Variants in CRHR2 observed in about 807,000 individuals in gnomAD.
CRHR2 encodes corticotropin-releasing hormone receptor 2.
Under a neutral mutation model 57.9 loss-of-function variants are expected in CRHR2, and 53 were observed. The observed-to-expected ratio is 0.92, with a 90% CI of 0.73 to 1.15. The LOEUF is 1.15. CRHR2 is among the 50% of genes most tolerant of loss of function. The pLI is 0.00. For missense variants in CRHR2, 532 were observed against 542.6 expected, an observed-to-expected ratio of 0.98 and a Z score of 0.19; for synonymous variants, 213 against 220.9, an observed-to-expected ratio of 0.96 and a Z score of 0.32.
chr7:30,678,311 T>C (rs1562804751), intron 2 of CRHR2, among the ~76,000 whole-genome samples: 1 of 152,184 alleles, frequency 6.6e-6, no homozygotes, highest in African/African-American at 2.4e-5. Flanking sequence ...ATGTGTAAAA[T>C]GAGGATAATG....
intron 1 of CRHR2, among the ~76,000 whole-genome samples, chr7:30,692,162 C>T (rs575176560): frequency 2.0e-5 from 3 of 152,320 alleles, no homozygotes; most frequent in South Asian, 2.1e-4. Flanking sequence ...GAGCCTGGCA[C>T]GTAGAATGCG....
At chr7:30,696,998 T>C (rs1011251559) in intron 1 of CRHR2, among the ~76,000 whole-genome samples, 2 of 152,036 alleles carry the variant, frequency 1.3e-5, no homozygotes, top group African/African-American at 2.4e-5. Context: ...CTAAATTAGC[T>C]AGTGAGGCTA....
At chr7:30,654,604 C>G (rs998871449) in intron 11 of CRHR2, 6 of 1,382,934 alleles carry the variant, frequency 4.3e-6, no homozygotes, top group Middle Eastern at 1.8e-4. Flanking sequence ...GGCCGCCTGA[C>G]TCCCCAGAGC....
upstream of CRHR2, chr7:30,686,419 C>T (rs1784858937): frequency 6.5e-7 from 1 of 1,534,050 alleles, no homozygotes; most frequent in Non-Finnish European, 8.7e-7. Context: ...AAGCCCAGGT[C>T]CCTGTCTTCA....
chr7:30,670,368 G>A (rs574177408), intron 2 of CRHR2, among the ~76,000 whole-genome samples: 1 of 152,344 alleles, frequency 6.6e-6, no homozygotes, highest in East Asian at 1.9e-4. Flanking sequence ...CTGGACTTGA[G>A]CTCCTTGGGG....
intron 2 of CRHR2, among the ~76,000 whole-genome samples, chr7:30,675,848 C>T (rs1193879421): frequency 6.6e-6 from 1 of 152,210 alleles, no homozygotes; most frequent in South Asian, 2.1e-4. Context: ...AAGGCAGGCT[C>T]AGGTCTTATG....
intron 1 of CRHR2, among the ~76,000 whole-genome samples, chr7:30,692,477 G>A (rs946459386): frequency 5.3e-5 from 8 of 152,174 alleles, no homozygotes; most frequent in African/African-American, 1.4e-4. Context: ...AAGGCCGTTC[G>A]GCGAACTGGA....
chr7:30,689,165 G>T (rs1434332391), intron 2 of CRHR2: 1 of 1,541,354 alleles, frequency 6.5e-7, no homozygotes, highest in East Asian at 2.4e-5. Flanking sequence ...AGGGGCTGCT[G>T]CAGGGTGGTG....
At position 30,682,059 on chromosome 7, in the gene CRHR2, G is replaced by T. The variant is rs1415258925; in HGVS notation, c.104-19C>A. 6.4e-7 allele frequency: 1 copy of T among 1,568,934 alleles called. No homozygotes were observed. On this transcript the variant is annotated intron_variant, in intron 1 of 11. Transcript: ENST00000471646. ...TAGGGACCTGGCGGCGGGAGAGAGC[G>T]CAGTAGGGCTCAGAGGGGCCCGCAG...
intron 8 of CRHR2, among the ~76,000 whole-genome samples, chr7:30,658,623 C>G (rs1375719619): frequency 6.6e-6 from 1 of 152,220 alleles, no homozygotes; most frequent in Non-Finnish European, 1.5e-5. Flanking sequence ...GGGTAAGTTG[C>G]TTAACCTCAT....
chr7:30,661,735 C>T lies in CRHR2; in HGVS notation c.758+421G>A, dbSNP rs142125286. On this transcript the variant is annotated intron_variant, in intron 7 of 11. Transcript: ENST00000471646. ...CTCAGGATGGGACACTGCACCCAGG[C>T]AGAGACTGAGACTTCAGAAAAAAAA... Among the ~76,000 whole-genome samples the T allele has an allele frequency of 5.7e-3, 864 of 152,208 alleles. 4 individuals carry two copies. Among genetic ancestry groups the T allele is most frequent in the Non-Finnish European group, 9.9e-3 (671 of 68,002 alleles).
At position 30,653,343 on chromosome 7, in the gene CRHR2, G is replaced by T; in HGVS notation, c.*117C>A. ...CGCACCCCCTCTTTCCTGCCAGGCTGGAGAGCTGGTCTCTCCCCTCCCATC... is the reference window on the plus strand; with the variant it reads ...CGCACCCCCTCTTTCCTGCCAGGCTTGAGAGCTGGTCTCTCCCCTCCCATC... On this transcript the variant is annotated 3_prime_UTR_variant, in exon 12 of 12. Transcript: ENST00000471646. The surrounding 1 kb of genome is among the most constrained non-coding windows in gnomAD (Gnocchi z 5.0). 2.1e-6 allele frequency: 3 copies of T among 1,425,472 alleles called. No individual in the cohort carries two copies. The South Asian group carries it at 4.1e-5, about 20-fold the overall frequency. The allele number at this position is 1,425,472 out of a possible 1,614,324, so 88.3% of individuals were successfully genotyped here. A position where few individuals can be genotyped will look rare whatever the true frequency, so the allele number is the denominator to read the frequency against.
intron 2 of CRHR2, among the ~76,000 whole-genome samples, chr7:30,671,950 G>A (rs944207874): frequency 6.6e-6 from 1 of 152,190 alleles, no homozygotes; most frequent in African/African-American, 2.4e-5. Flanking sequence ...AGAAGGTGAT[G>A]ACATTGAGGT....
At chr7:30,662,988 T>A in intron 5 of CRHR2, 141 bp from the exon 6 acceptor site, 1 of 1,007,504 alleles carries the variant, frequency 9.9e-7, no homozygotes, top group Non-Finnish European at 1.4e-6. Flanking sequence ...AACCTCACTC[T>A]GAAAAGCTTC....
At chr7:30,669,997 G>A (rs77617560) in intron 2 of CRHR2, among the ~76,000 whole-genome samples, 3,153 of 152,094 alleles carry the variant, frequency 0.021, 105 homozygotes, top group African/African-American at 0.072. Flanking sequence ...AGCCATCCCC[G>A]ACACCCTTAG....
Position 30,699,811 on chromosome 7 carries a change from A to G in CRHR2, c.-261+133T>C, listed in dbSNP as rs561561646. On this transcript the variant is annotated intron_variant, in intron 1 of 13. Coordinates refer to the CRHR2 transcript ENST00000341843. ...CCCTCACCCAGGCACGGGATCTCCA[A>G]TTCATCATCAGACACAAGGATCCCC... is the stretch of plus-strand genomic sequence containing the variant. The G allele has an allele frequency of 1.4e-5, 9 of 633,360 alleles. No homozygotes were observed. In the Admixed American group the frequency reaches 3.1e-4, roughly 22 times the overall value. 39.2% of individuals were successfully genotyped at this position (633,360 alleles called of 1,614,324 possible).
Position 30,653,324 on chromosome 7 carries a change from C to G in CRHR2, c.*136G>C. ...TGCAGTCCCCCTTGGCTGCCGCACC[C>G]CCTCTTTCCTGCCAGGCTGGAGAGC... On this transcript the variant is annotated 3_prime_UTR_variant, in exon 12 of 12. Transcript: ENST00000471646. The surrounding 1 kb of genome is among the most constrained non-coding windows in gnomAD (Gnocchi z 5.0). The G allele has an allele frequency of 3.8e-6, 5 of 1,311,678 alleles. No homozygotes were observed. The highest frequency in any genetic ancestry group is 5.2e-6 in the Non-Finnish European group (5 of 960,192). The allele number at this position is 1,311,678 out of a possible 1,614,324, so 81.3% of individuals were successfully genotyped here.
chr7:30,693,968 T>C (rs1300446294), intron 1 of CRHR2, among the ~76,000 whole-genome samples: 1 of 152,198 alleles, frequency 6.6e-6, no homozygotes, highest in Admixed American at 6.5e-5. Flanking sequence ...TTGGCTGTTC[T>C]AGGGCAGAGA....
In CRHR2 at chr7:30,653,466, A is replaced by C; in HGVS notation, c.1230T>G (p.Ala410=). The C allele has an allele frequency of 6.2e-7, 1 of 1,613,146 alleles. No individual in the cohort carries two copies. Among genetic ancestry groups the C allele is most frequent in the East Asian group, 2.2e-5 (1 of 44,834 alleles). Reference sequence around the variant, plus strand: ...CAGGTGGGCGACCGAGGGGTCACACAGCGGCCGTCTGCTTGATGCTGTGGA... The same window carrying C: ...CAGGTGGGCGACCGAGGGGTCACACCGCGGCCGTCTGCTTGATGCTGTGGA... ...ISFHSIKQTA[A]V The change falls in exon 12 of 12, where the codon GCT becomes GCG. Residue 410 remains alanine, a synonymous_variant. Transcript: ENST00000471646. The surrounding 1 kb of genome is among the most constrained non-coding windows in gnomAD (Gnocchi z 5.0).
Sources: gnomAD v4.1 joint callset for allele counts (sites outside exome capture counted in the v4.1 genomes callset) on GRCh38, gnomAD v4.1.1 for gene constraint, Gnocchi (gnomAD v3.1) non-coding constraint, MANE v1.5 for transcripts, NCBI Gene and HGNC (gene_info 2026-07-23, HGNC 2026-07-21) for gene names.